The following CNTLN variants were observed in gnomAD, a reference collection of about 807,000 sequenced individuals.
CNTLN encodes the protein centlein, centrosomal protein.
In CNTLN, 212 loss-of-function variants were observed where a neutral mutation model predicts 180.0. That is an observed-to-expected ratio of 1.18 (90% CI 1.05 to 1.32). The LOEUF is 1.32. Among genes scored for constraint, CNTLN ranks in the 40% most tolerant of loss-of-function variants. CNTLN has a pLI of 0.00. For synonymous variants in CNTLN, 722 were observed against 563.1 expected (o/e 1.28, Z -3.99); for missense variants, 2,095 against 1,610.9 (o/e 1.30, Z -5.14).
chr9:17,147,311 T>A (rs1818523660), intron 2 of CNTLN, among the ~76,000 whole-genome samples: 2 of 152,184 alleles, frequency 1.3e-5, no homozygotes, highest in African/African-American at 4.8e-5. Context: ...TTGAATGCAG[T>A]TTTTGGCCAT....
chr9:17,140,088 C>G (rs1216550170), intron 1 of CNTLN, among the ~76,000 whole-genome samples: 1 of 151,784 alleles, frequency 6.6e-6, no homozygotes, highest in African/African-American at 2.4e-5. Context: ...TAATAGTTTC[C>G]TTGTATTAAT....
At chr9:17,505,266 A>T (rs912702690), downstream of CNTLN, among the ~76,000 whole-genome samples, 4 of 152,162 alleles carry the variant, frequency 2.6e-5, no homozygotes, top group African/African-American at 9.7e-5. Context: ...ATCAGGAAGA[A>T]GGCAAAGATT....
At chr9:17,381,393 T>C (rs1209679007) in intron 13 of CNTLN, among the ~76,000 whole-genome samples, 1 of 152,214 alleles carries the variant, frequency 6.6e-6, no homozygotes, top group Non-Finnish European at 1.5e-5. Context: ...AAACTCATAC[T>C]ATCAGCATTC....
rs1290721437 is a variant in CNTLN at position 17,179,222 on chromosome 9, C to A, written c.449+35846C>A. ...TCCCGCCACTGCACTCCAGCCTGGGCGACAGAGCGAGACTCCGTCTCAAAA... is the reference window on the plus strand; with the variant it reads ...TCCCGCCACTGCACTCCAGCCTGGGAGACAGAGCGAGACTCCGTCTCAAAA... On this transcript the variant is annotated intron_variant, in intron 2 of 25. Transcript: ENST00000380647. Among the ~76,000 whole-genome samples the A allele has an allele frequency of 2.3e-4, 28 of 122,544 alleles. No individual in the cohort carries two copies. The East Asian group carries it at 3.1e-3, about 14-fold the overall frequency. 80.4% of individuals were successfully genotyped at this position (122,544 alleles called of 152,430 possible). A position where few individuals can be genotyped will look rare whatever the true frequency, so the allele number is the denominator to read the frequency against.
intron 12 of CNTLN, among the ~76,000 whole-genome samples, chr9:17,348,532 C>CTTTTTTTT (rs35021719): frequency 3.5e-5 from 5 of 141,002 alleles, no homozygotes; most frequent in African/African-American, 5.3e-5. Context: ...TTCTTTCTTT[C>CTTTTTTTT]TTTTTTTTTT....
At position 17,470,176 on chromosome 9, in the gene CNTLN, A is replaced by G. The variant is rs145777251; in HGVS notation, c.3855+3285A>G. Reference sequence around the variant, plus strand: ...TTTGTTGTCTTCAGGGTATTGTTACATAACAGGGCTCAGTAAATTCTTGAG... The same window carrying G: ...TTTGTTGTCTTCAGGGTATTGTTACGTAACAGGGCTCAGTAAATTCTTGAG... On this transcript the variant is annotated intron_variant, in intron 23 of 25. Coordinates refer to ENST00000380647, the MANE Select transcript of CNTLN (RefSeq NM_017738.4). 1.1e-3 allele frequency among the ~76,000 whole-genome samples: 167 copies of G among 152,080 alleles called. 1 individual carries two copies. The highest frequency in any genetic ancestry group is 3.9e-3 in the African/African-American group (161 of 41,542).
In CNTLN at chr9:17,179,261, A is replaced by AAG. The variant is rs1554649147; in HGVS notation, c.449+35886_449+35887insGA. Among the ~76,000 whole-genome samples the AAG allele has an allele frequency of 6.3e-3, 871 of 138,564 alleles. 14 individuals carry two copies. The highest frequency in any genetic ancestry group is 0.045 in the South Asian group (202 of 4,442). The allele number at this position is 138,564 out of a possible 152,430, so 90.9% of individuals were successfully genotyped here. A position where few individuals can be genotyped will look rare whatever the true frequency, so the allele number is the denominator to read the frequency against. On this transcript the variant is annotated intron_variant, in intron 2 of 25. Coordinates refer to ENST00000380647, the MANE Select transcript of CNTLN (RefSeq NM_017738.4). The stretch of plus-strand genomic sequence containing the variant: ...TCCGTCTCAAAAAAAAAAAAAAAAA[A>AAG]AAGAAGAAGTGTAGATTATTGATTT...
intron 8 of CNTLN, among the ~76,000 whole-genome samples, chr9:17,317,202 T>C (rs1030083978): frequency 1.3e-5 from 2 of 152,148 alleles, no homozygotes; most frequent in South Asian, 4.1e-4. Context: ...TGGATACTGT[T>C]TAGCATGTTT....
In CNTLN at chr9:17,470,047, G is replaced by A. The variant is rs547947650; in HGVS notation, c.3855+3156G>A. On this transcript the variant is annotated intron_variant, in intron 23 of 25. Coordinates refer to ENST00000380647, the MANE Select transcript of CNTLN (RefSeq NM_017738.4). ...AGCAGTAGTAGTATGGCTCTGACTC[G>A]TCTCCTGAACATTTATTATATGTAC... Among the ~76,000 whole-genome samples the A allele has an allele frequency of 9.9e-5, 15 of 151,898 alleles. 1 individual carries two copies. In the East Asian group the frequency reaches 1.4e-3, roughly 14 times the overall value.
At chr9:17,273,346 C>T (rs1422702996) in intron 5 of CNTLN, among the ~76,000 whole-genome samples, 1 of 152,028 alleles carries the variant, frequency 6.6e-6, no homozygotes, top group East Asian at 1.9e-4. Flanking sequence ...TGTGTATTTG[C>T]ACTTCAAACA....
chr9:17,142,651 C>G (rs1249911723), intron 1 of CNTLN, among the ~76,000 whole-genome samples: 1 of 152,040 alleles, frequency 6.6e-6, no homozygotes, highest in Non-Finnish European at 1.5e-5. Flanking sequence ...GGTTCTCAAC[C>G]CAGAGTGCAC....
chr9:17,391,932 A>T (rs759678578), intron 14 of CNTLN, among the ~76,000 whole-genome samples: 29 of 152,196 alleles, frequency 1.9e-4, no homozygotes, highest in Admixed American at 1.0e-3. Context: ...AAAATAACTT[A>T]AATATTTTAC....
intron 12 of CNTLN, among the ~76,000 whole-genome samples, chr9:17,362,776 A>T (rs372676557): frequency 1.2e-4 from 19 of 152,082 alleles, no homozygotes; most frequent in African/African-American, 4.6e-4. Context: ...TCTGGGATAC[A>T]TGTGCAGAGT....
chr9:17,453,492 G>T (rs1830919710), intron 18 of CNTLN, among the ~76,000 whole-genome samples: 1 of 152,106 alleles, frequency 6.6e-6, no homozygotes, highest in Non-Finnish European at 1.5e-5. Flanking sequence ...ATAAGTTCTA[G>T]AAAGGTGTTG....
intron 13 of CNTLN, among the ~76,000 whole-genome samples, chr9:17,377,271 C>G (rs1824850195): frequency 6.6e-6 from 1 of 151,952 alleles, no homozygotes; most frequent in East Asian, 1.9e-4. Context: ...TATTACTAGG[C>G]GCGGTGGCTC....
At chr9:17,261,546 T>G (rs1360573719) in intron 5 of CNTLN, among the ~76,000 whole-genome samples, 1 of 151,516 alleles carries the variant, frequency 6.6e-6, no homozygotes, top group Non-Finnish European at 1.5e-5. Flanking sequence ...TTTACTGAAA[T>G]TATGTATTCC....
chr9:17,291,454 G>A (rs1043225228), intron 6 of CNTLN, among the ~76,000 whole-genome samples: 3 of 151,128 alleles, frequency 2.0e-5, no homozygotes, highest in African/African-American at 7.3e-5. Flanking sequence ...GTCTTTGTAG[G>A]TCTCTAAGAA....
At chr9:17,139,532 C>A (rs763706837) in intron 1 of CNTLN, among the ~76,000 whole-genome samples, 4 of 151,874 alleles carry the variant, frequency 2.6e-5, no homozygotes, top group Admixed American at 1.3e-4. Flanking sequence ...TGGCAGCATG[C>A]ACCATTAATC....
At chr9:17,405,388 A>T (rs921998525) in intron 15 of CNTLN, among the ~76,000 whole-genome samples, 1 of 151,716 alleles carries the variant, frequency 6.6e-6, no homozygotes, top group Non-Finnish European at 1.5e-5. Flanking sequence ...ACAGTTCCGG[A>T]AGCTGGGAAG....
Sources: gnomAD v4.1 joint callset for allele counts (sites outside exome capture counted in the v4.1 genomes callset) on GRCh38, gnomAD v4.1.1 for gene constraint, MANE v1.5 for transcripts, NCBI Gene and HGNC (gene_info 2026-07-23, HGNC 2026-07-21) for gene names.